FLOT2: variants seen among roughly 807,000 people sequenced by gnomAD.
FLOT2 encodes the protein flotillin 2, also known as flotillin-2.
A neutral mutation model predicts 54.9 loss-of-function variants in FLOT2; 35 were observed. The observed-to-expected ratio is 0.64, with a 90% CI of 0.49 to 0.84. The LOEUF (loss-of-function observed/expected upper bound fraction) is 0.84. Among genes scored for constraint, FLOT2 ranks in the 40% least tolerant of loss-of-function variants. The probability of loss-of-function intolerance (pLI) is 0.00; values close to 1 mark genes in which losing one functional copy is unlikely to be tolerated. For synonymous variants in FLOT2, 207 were observed against 228.9 expected, an observed-to-expected ratio of 0.90 and a Z score of 0.86; for missense variants, 464 against 572.1, an observed-to-expected ratio of 0.81 and a Z score of 1.93.
rs1390768469 is a variant in FLOT2, at chr17:28,884,256, C to T, written c.191G>A (p.Gly64Glu). Reference sequence around the variant, plus strand: ...GACACCCGTCACAGTTAAAGCTACCCCCTCGGCCGTCTCTACGTCCTCGCA... The same window carrying T: ...GACACCCGTCACAGTTAAAGCTACCTCCTCGGCCGTCTCTACGTCCTCGCA... ...PRCEDVETAE[G>E]VALTVTGVAQ... The change falls in exon 3 of 11, where the codon GGG (glycine) becomes GAG (glutamate). Residue 64 changes from glycine to glutamate, a missense_variant. By Grantham distance (98) the Gly-to-Glu change is moderately conservative. Transcript: ENST00000394908. This position sits in a 1 kb window ranked among gnomAD's most constrained non-coding sequence, Gnocchi z 5.1. The T allele has an allele frequency of 6.2e-7, 1 of 1,613,696 alleles. No homozygotes were observed. The highest frequency in any genetic ancestry group is 8.5e-7 in the Non-Finnish European group (1 of 1,179,796).
intron 1 of FLOT2, among the ~76,000 whole-genome samples, chr17:28,890,392 T>TTC (rs1030122228): frequency 4.7e-5 from 7 of 149,706 alleles, no homozygotes; most frequent in Admixed American, 6.7e-5. Flanking sequence ...TGAGATTTCT[T>TTC]TTTTTTTTTT....
At chr17:28,885,709 C>T in intron 2 of FLOT2, 1 of 721,480 alleles carries the variant, frequency 1.4e-6, no homozygotes, top group South Asian at 1.5e-5. Flanking sequence ...GGGATCCATC[C>T]TGGCACCCAG....
chr17:28,880,972 G>A, intron 9 of FLOT2, 110 bp from the exon 10 acceptor site: 1 of 1,398,058 alleles, frequency 7.2e-7, no homozygotes, highest in Non-Finnish European at 1.0e-6. Context: ...AAGCAGCCTG[G>A]GTGGCCCTTA....
rs1013505719 is a variant in FLOT2, at chr17:28,882,433, C to T, written c.483G>A (p.Val161=). The T allele has an allele frequency of 1.2e-6, 2 of 1,614,048 alleles. No homozygotes were observed. The highest frequency in any genetic ancestry group is 1.7e-5 in the Admixed American group (1 of 60,028). Residue 161 remains valine, a synonymous_variant, in exon 6 of 11, where the codon GTG becomes GTA. Transcript: ENST00000394908. The surrounding 1 kb of genome is among the most constrained non-coding windows in gnomAD (Gnocchi z 5.6). ...SFTIKDVYDK[V]DYLSSLGKTQ... ...TCTTGCCCAGGGAGCTCAGATAGTC[C>T]ACTTTGTCATACACGTCCTGGGGAG... is the stretch of plus-strand genomic sequence containing the variant.
Position 28,897,691 on chromosome 17 carries a change from G to C in FLOT2, c.-117C>G. ...ACCCCCAGCGGCCGGCCGCCCGCTCGCTCGCCCGCGCCCCTCTGCGGTCGC... is the reference window on the plus strand; with the variant it reads ...ACCCCCAGCGGCCGGCCGCCCGCTCCCTCGCCCGCGCCCCTCTGCGGTCGC... On this transcript the variant is annotated 5_prime_UTR_variant, in exon 1 of 11. Transcript: ENST00000394908. This position sits in a 1 kb window ranked among gnomAD's most constrained non-coding sequence, Gnocchi z 4.4. The C allele has an allele frequency of 1.1e-6, 1 of 916,376 alleles. No individual in the cohort carries two copies. Among genetic ancestry groups the C allele is most frequent in the Non-Finnish European group, 1.4e-6 (1 of 690,776 alleles). The allele number at this position is 916,376 out of a possible 1,614,324, so 56.8% of individuals were successfully genotyped here.
At position 28,894,778 on chromosome 17, in the gene FLOT2, CAG is replaced by C. The variant is rs1413718917; in HGVS notation, c.49+2746_49+2747del. On this transcript the variant is annotated intron_variant, in intron 1 of 10. Transcript: ENST00000394908. ...TACTGCACTCTAGTAGCCTGGGTGA[CAG>C]AGCAAGACTGTATTTAAAAAAAAAA... Among the ~76,000 whole-genome samples, 6 of 141,110 alleles carry C rather than the reference CAG, an allele frequency of 4.3e-5. No individual in the cohort carries two copies. In the East Asian group the frequency reaches 8.2e-4, roughly 19 times the overall value. 92.6% of individuals were successfully genotyped at this position (141,110 alleles called of 152,430 possible). A position where few individuals can be genotyped will look rare whatever the true frequency, so the allele number is the denominator to read the frequency against.
rs1307610957 is a variant in FLOT2, at chr17:28,881,794, G to C, written c.914+20C>G. 1 of 1,610,078 alleles carries C rather than the reference G, an allele frequency of 6.2e-7. No individual in the cohort carries two copies. The highest frequency in any genetic ancestry group is 2.2e-5 in the East Asian group (1 of 44,866). Reference sequence around the variant, plus strand: ...AGGAGCCTGACTAAGCCCTGACCCCGGCACCTGGGCGGCTCTCACTTTTCA... The same window carrying C: ...AGGAGCCTGACTAAGCCCTGACCCCCGCACCTGGGCGGCTCTCACTTTTCA... On this transcript the variant is annotated intron_variant, in intron 8 of 10. Coordinates refer to ENST00000394908, the MANE Select transcript of FLOT2 (RefSeq NM_004475.3).
In FLOT2 at chr17:28,897,104, T is replaced by C. The variant is rs1009410337; in HGVS notation, c.49+422A>G. ...ACCTCTGTTTCAGGGCCCCTCCCCA[T>C]ACAGGCACCTGCCCTCCAGGGCTGC... On this transcript the variant is annotated intron_variant, in intron 1 of 10. Coordinates refer to ENST00000394908, the MANE Select transcript of FLOT2 (RefSeq NM_004475.3). The surrounding 1 kb of genome is among the most constrained non-coding windows in gnomAD (Gnocchi z 4.4). Among the ~76,000 whole-genome samples, 14 of 152,110 alleles carry C rather than the reference T, an allele frequency of 9.2e-5. No homozygotes were observed. Among genetic ancestry groups the C allele is most frequent in the Admixed American group, 1.3e-4 (2 of 15,280 alleles).
intron 1 of FLOT2, among the ~76,000 whole-genome samples, chr17:28,890,377 A>G (rs1198333670): frequency 1.4e-5 from 2 of 145,872 alleles, no homozygotes; most frequent in Non-Finnish European, 3.0e-5. Flanking sequence ...AGAAAAATCA[A>G]TTCCTGAGAT....
At chr17:28,891,172 C>T (rs977346932) in intron 1 of FLOT2, among the ~76,000 whole-genome samples, 6 of 152,206 alleles carry the variant, frequency 3.9e-5, no homozygotes, top group South Asian at 2.1e-4. Context: ...TGAGCCGCCG[C>T]GCCTGGCCGA....
At position 28,880,515 on chromosome 17, in the gene FLOT2, G is replaced by C. The variant is rs746026462; in HGVS notation, c.*46C>G. On this transcript the variant is annotated 3_prime_UTR_variant, in exon 11 of 11. Coordinates refer to ENST00000394908, the MANE Select transcript of FLOT2 (RefSeq NM_004475.3). Reference sequence around the variant, plus strand: ...TTCTGTGGGATTAAAACGGGTGCTGGAGGGAGGGCCGGGTGGCTGCTGAAG... The same window carrying C: ...TTCTGTGGGATTAAAACGGGTGCTGCAGGGAGGGCCGGGTGGCTGCTGAAG... 3 of 1,604,096 alleles carry C rather than the reference G, an allele frequency of 1.9e-6. No individual in the cohort carries two copies. The African/African-American group carries it at 4.0e-5, about 22-fold the overall frequency.
chr17:28,885,002 A>T (rs1433235982), intron 2 of FLOT2, among the ~76,000 whole-genome samples: 1 of 152,206 alleles, frequency 6.6e-6, no homozygotes, highest in Non-Finnish European at 1.5e-5. Context: ...TAACCCTGGA[A>T]AGAGTTGTTC....
In FLOT2 at chr17:28,883,451, C is replaced by T. The variant is rs2039490891; in HGVS notation, c.223-220G>A. Among the ~76,000 whole-genome samples the T allele has an allele frequency of 6.6e-6, 1 of 152,180 alleles. No homozygotes were observed. Among genetic ancestry groups the T allele is most frequent in the African/African-American group, 2.4e-5 (1 of 41,442 alleles). On this transcript the variant is annotated intron_variant, in intron 3 of 10. Transcript: ENST00000394908. This position sits in a 1 kb window ranked among gnomAD's most constrained non-coding sequence, Gnocchi z 5.0. Reference sequence around the variant, plus strand: ...TCTCCTGCACTGACAGCCCCAGGCCCTGCCACGGCCTCTCCTGGGCATTCG... The same window carrying T: ...TCTCCTGCACTGACAGCCCCAGGCCTTGCCACGGCCTCTCCTGGGCATTCG...
Position 28,880,846 on chromosome 17 carries a change from G to C in FLOT2, c.1115C>G (p.Ala372Gly). ...EALPQIAAKI[A>G]APLTKVDEIV... ...CTCATCGACCTTGGTAAGTGGGGCA[G>C]CGATTTTGGCAGCAATCTAGGAGGT... Residue 372 changes from alanine to glycine, a missense_variant, in exon 10 of 11, where the codon GCT (alanine) becomes GGT (glycine). Ala to Gly is a moderately conservative substitution (Grantham distance 60). Coordinates refer to ENST00000394908, the MANE Select transcript of FLOT2 (RefSeq NM_004475.3). The C allele has an allele frequency of 6.2e-7, 1 of 1,614,096 alleles. No individual in the cohort carries two copies. Among genetic ancestry groups the C allele is most frequent in the Non-Finnish European group, 8.5e-7 (1 of 1,180,022 alleles).
At chr17:28,890,936 C>T (rs1252101102) in intron 1 of FLOT2, among the ~76,000 whole-genome samples, 1 of 150,218 alleles carries the variant, frequency 6.7e-6, no homozygotes, top group Non-Finnish European at 1.5e-5. Context: ...GAGTACAGCA[C>T]TGCTGGAGTA....
chr17:28,890,115 T>C (rs1475514197), intron 1 of FLOT2, among the ~76,000 whole-genome samples: 1 of 152,164 alleles, frequency 6.6e-6, no homozygotes, highest in Non-Finnish European at 1.5e-5. Context: ...GGCAGACACA[T>C]CTCAGTGAGG....
chr17:28,882,282 C>A lies in FLOT2; in HGVS notation c.580-45G>T, dbSNP rs373765414. 8.7e-6 allele frequency: 14 copies of A among 1,613,906 alleles called. No individual in the cohort carries two copies. Among genetic ancestry groups the A allele is most frequent in the Non-Finnish European group, 1.2e-5 (14 of 1,180,000 alleles). On this transcript the variant is annotated intron_variant, in intron 6 of 10. Coordinates refer to ENST00000394908, the MANE Select transcript of FLOT2 (RefSeq NM_004475.3). This position sits in a 1 kb window ranked among gnomAD's most constrained non-coding sequence, Gnocchi z 5.6. ...AAGGGGAAGGTGAGTGAGTAGAGGT[C>A]CTGAGTCATCATGGTCCCATCACCC... is the stretch of plus-strand genomic sequence containing the variant.
chr17:28,886,436 C>T (rs2039548447), intron 2 of FLOT2, among the ~76,000 whole-genome samples: 1 of 152,220 alleles, frequency 6.6e-6, no homozygotes, highest in African/African-American at 2.4e-5. Flanking sequence ...GCCAGGTCTG[C>T]ACTATCTATC....
At position 28,884,437 on chromosome 17, in the gene FLOT2, TC is replaced by T; in HGVS notation, c.132-123del. 1 of 631,136 alleles carries T rather than the reference TC, an allele frequency of 1.6e-6. No individual in the cohort carries two copies. The highest frequency in any genetic ancestry group is 2.8e-6 in the Non-Finnish European group (1 of 356,096). 39.1% of individuals were successfully genotyped at this position (631,136 alleles called of 1,614,324 possible). ...GGTGAGGAAGGTGGAGGGAGGACTCTCCACGGGGCTGAGATGGGAGTGTCTG... is the reference window on the plus strand; with the variant it reads ...GGTGAGGAAGGTGGAGGGAGGACTCTCACGGGGCTGAGATGGGAGTGTCTG... On this transcript the variant is annotated intron_variant, in intron 2 of 10. Coordinates refer to ENST00000394908, the MANE Select transcript of FLOT2 (RefSeq NM_004475.3). This position sits in a 1 kb window ranked among gnomAD's most constrained non-coding sequence, Gnocchi z 5.1.
Sources: allele counts gnomAD v4.1 joint callset (sites outside exome capture counted in the v4.1 genomes callset), GRCh38; gene constraint gnomAD v4.1.1; non-coding constraint Gnocchi (gnomAD v3.1); transcripts MANE v1.5; gene names NCBI Gene and HGNC (gene_info 2026-07-23, HGNC 2026-07-21).